TEAD1: variants seen among roughly 807,000 people sequenced by gnomAD.
TEAD1 encodes transcriptional enhancer factor TEF-1.
In TEAD1, 9 loss-of-function variants were observed where a neutral mutation model predicts 54.9. The observed-to-expected ratio is 0.16, with a 90% CI of 0.10 to 0.29. The LOEUF (loss-of-function observed/expected upper bound fraction) is 0.29. TEAD1 is among the 10% of genes least tolerant of loss of function. TEAD1 has a pLI of 1.00. For synonymous variants in TEAD1, 200 were observed against 187.8 expected, an observed-to-expected ratio of 1.07 and a Z score of -0.53; for missense variants, 387 against 535.9, an observed-to-expected ratio of 0.72 and a Z score of 2.74.
At chr11:12,779,979 T>A (rs1268908422) in intron 3 of TEAD1, among the ~76,000 whole-genome samples, 1 of 152,234 alleles carries the variant, frequency 6.6e-6, no homozygotes, top group Non-Finnish European at 1.5e-5. Context: ...AAAGACTGAA[T>A]GCTTTCCTTC....
intron 9 of TEAD1, among the ~76,000 whole-genome samples, chr11:12,890,887 C>T (rs1948185248): frequency 6.6e-6 from 1 of 152,178 alleles, no homozygotes. Flanking sequence ...GCCTCAGCCT[C>T]CCACATAGCT....
chr11:12,922,192 C>CTTTTTTTTTTTTTTTTTTT lies in TEAD1; in HGVS notation c.874-2716_874-2698dup, dbSNP rs756723520. 5.3e-5 allele frequency among the ~76,000 whole-genome samples: 5 copies of CTTTTTTTTTTTTTTTTTTT among 94,502 alleles called. 1 individual carries two copies. Among genetic ancestry groups the CTTTTTTTTTTTTTTTTTTT allele is most frequent in the African/African-American group, 2.2e-4 (5 of 23,148 alleles). 62.0% of individuals were successfully genotyped at this position (94,502 alleles called of 152,430 possible). On this transcript the variant is annotated intron_variant, in intron 10 of 12. Transcript: ENST00000527636. ...AGGGGAATGTGGAGTACATGGTTCT[C>CTTTTTTTTTTTTTTTTTTT]TTTTTTTTTTTTTTTTTTTTTTGAG...
intron 3 of TEAD1, among the ~76,000 whole-genome samples, chr11:12,855,548 A>G (rs1195298651): frequency 6.7e-6 from 1 of 150,344 alleles, no homozygotes; most frequent in Non-Finnish European, 1.5e-5. Flanking sequence ...TTGGCCTCCC[A>G]AAGTGCTGGG....
intron 12 of TEAD1, among the ~76,000 whole-genome samples, chr11:12,936,450 A>G (rs1949101047): frequency 6.6e-6 from 1 of 152,210 alleles, no homozygotes; most frequent in Admixed American, 6.5e-5. Flanking sequence ...TCTAGGCACT[A>G]CTGGTTAACA....
rs548605048 is a variant in TEAD1 at position 12,774,622 on chromosome 11, A to C, written c.202+10188A>C. 1.5e-3 allele frequency among the ~76,000 whole-genome samples: 225 copies of C among 152,286 alleles called. 1 individual carries two copies. The highest frequency in any genetic ancestry group is 5.2e-3 in the African/African-American group (214 of 41,540). ...TTATAGTTACATGGGCCAGCCATAC[A>C]AGCTCTTTGAGCCTTGTTGCCATCA... On this transcript the variant is annotated intron_variant, in intron 3 of 12. Transcript: ENST00000527636.
chr11:12,881,549 G>A (rs1947967694), intron 7 of TEAD1, among the ~76,000 whole-genome samples: 1 of 152,212 alleles, frequency 6.6e-6, no homozygotes, highest in African/African-American at 2.4e-5. Flanking sequence ...AACTTGCATT[G>A]TTTGGCCTAG....
intron 3 of TEAD1, among the ~76,000 whole-genome samples, chr11:12,852,849 A>C (rs1381397072): frequency 6.6e-6 from 1 of 152,224 alleles, no homozygotes. Flanking sequence ...CAGGGAACTC[A>C]GCAGAGTCTG....
intron 10 of TEAD1, among the ~76,000 whole-genome samples, chr11:12,919,153 T>C (rs532603885): frequency 6.6e-6 from 1 of 152,240 alleles, no homozygotes; most frequent in Non-Finnish European, 1.5e-5. Flanking sequence ...TTAAAACATG[T>C]AATTTGTTGG....
chr11:12,695,917 C>T (rs1053312657), intron 2 of TEAD1, among the ~76,000 whole-genome samples: 5 of 152,248 alleles, frequency 3.3e-5, no homozygotes, highest in African/African-American at 9.6e-5. Flanking sequence ...CCAGGTTCTG[C>T]CCCCTTTCAG....
intron 11 of TEAD1, among the ~76,000 whole-genome samples, chr11:12,926,448 C>T (rs183804426): frequency 2.0e-4 from 31 of 152,208 alleles, no homozygotes; most frequent in African/African-American, 5.3e-4. Flanking sequence ...AACTTAGAAA[C>T]TAACTGGATA....
chr11:12,723,982 C>T (rs1944263296), intron 2 of TEAD1, among the ~76,000 whole-genome samples: 1 of 152,182 alleles, frequency 6.6e-6, no homozygotes. Flanking sequence ...CTTTTACTCT[C>T]CTATACATAC....
chr11:12,725,861 A>G (rs1226678104), intron 2 of TEAD1, among the ~76,000 whole-genome samples: 1 of 152,238 alleles, frequency 6.6e-6, no homozygotes, highest in African/African-American at 2.4e-5. Flanking sequence ...TAAGCAACAC[A>G]AATCACTGTG....
chr11:12,876,341 A>C (rs181895878), intron 5 of TEAD1, among the ~76,000 whole-genome samples: 1 of 152,230 alleles, frequency 6.6e-6, no homozygotes, highest in Non-Finnish European at 1.5e-5. Flanking sequence ...AAGCAACTCA[A>C]TAAAGCGGGA....
intron 2 of TEAD1, among the ~76,000 whole-genome samples, chr11:12,724,552 G>A (rs748863799): frequency 1.3e-5 from 2 of 152,232 alleles, no homozygotes; most frequent in African/African-American, 2.4e-5. Flanking sequence ...GAATGCGAGT[G>A]CTTTCTTCTG....
In TEAD1 at chr11:12,735,391, T is replaced by C. The variant is rs560984674; in HGVS notation, c.-54-28788T>C. Among the ~76,000 whole-genome samples, 17 of 152,198 alleles carry C rather than the reference T, an allele frequency of 1.1e-4. No individual in the cohort carries two copies. The South Asian group carries it at 2.5e-3, about 22-fold the overall frequency. ...AAGAAGTGGAAAAAAAGAAATCTTA[T>C]CCCACTGCTGTGGTTCTTTGTCATC... On this transcript the variant is annotated intron_variant, in intron 2 of 12. Transcript: ENST00000527636.
chr11:12,767,225 T>A (rs1945225236), intron 3 of TEAD1, among the ~76,000 whole-genome samples: 1 of 152,200 alleles, frequency 6.6e-6, no homozygotes, highest in African/African-American at 2.4e-5. Flanking sequence ...AGAGCTACTG[T>A]CCTGGGCTTT....
intron 5 of TEAD1, among the ~76,000 whole-genome samples, chr11:12,871,870 T>A (rs1283181566): frequency 6.6e-6 from 1 of 152,152 alleles, no homozygotes; most frequent in Non-Finnish European, 1.5e-5. Flanking sequence ...AGGCTCTGGA[T>A]GTGTATTGAA....
chr11:12,852,191 A>G (rs1323727112), intron 3 of TEAD1, among the ~76,000 whole-genome samples: 2 of 151,926 alleles, frequency 1.3e-5, no homozygotes, highest in Non-Finnish European at 2.9e-5. Flanking sequence ...GCCACATTCT[A>G]GAATAGAGGA....
At chr11:12,676,470 T>G (rs972640229) in intron 2 of TEAD1, among the ~76,000 whole-genome samples, 1 of 152,254 alleles carries the variant, frequency 6.6e-6, no homozygotes, top group African/African-American at 2.4e-5. Flanking sequence ...GTCTTCAGGC[T>G]ACGCCCGGTG....
Sources: gnomAD v4.1 joint callset for allele counts (sites outside exome capture counted in the v4.1 genomes callset) on GRCh38, gnomAD v4.1.1 for gene constraint, MANE v1.5 for transcripts, NCBI Gene and HGNC (gene_info 2026-07-23, HGNC 2026-07-21) for gene names.